The following GNG4 variants were observed in gnomAD, a reference collection of about 807,000 sequenced individuals.
GNG4 encodes G protein subunit gamma 4.
In GNG4, 4 loss-of-function variants were observed where a neutral mutation model predicts 5.8. The observed-to-expected ratio is 0.69, with a 90% CI of 0.34 to 1.57. GNG4 has a LOEUF of 1.57. Ranked by LOEUF, GNG4 falls within the 40% of genes most tolerant of loss-of-function variation. The probability of loss-of-function intolerance (pLI) is 0.06; values close to 1 mark genes in which losing one functional copy is unlikely to be tolerated. For synonymous variants in GNG4, 29 were observed against 32.9 expected (o/e 0.88, Z 0.41); for missense variants, 96 against 95.1 (o/e 1.01, Z -0.04).
chr1:235,555,719 G>C (rs946970721), intron 3 of GNG4, among the ~76,000 whole-genome samples: 1 of 149,150 alleles, frequency 6.7e-6, no homozygotes, highest in Non-Finnish European at 1.5e-5. Context: ...ATTTATAATT[G>C]ACAAATAAAA....
intron 1 of GNG4, among the ~76,000 whole-genome samples, chr1:235,643,169 A>G (rs1401038966): frequency 6.6e-6 from 1 of 152,104 alleles, no homozygotes; most frequent in Non-Finnish European, 1.5e-5. Flanking sequence ...CTGCCTGACA[A>G]TGGCCCTGGA....
intron 1 of GNG4, among the ~76,000 whole-genome samples, chr1:235,628,424 G>C (rs995552360): frequency 2.9e-5 from 4 of 140,050 alleles, no homozygotes; most frequent in Non-Finnish European, 5.9e-5. Context: ...GACGGGGGGG[G>C]GTTACAAGAC....
intron 1 of GNG4, among the ~76,000 whole-genome samples, chr1:235,622,250 G>C (rs945166596): frequency 2.0e-5 from 3 of 152,052 alleles, no homozygotes; most frequent in Admixed American, 6.6e-5. Context: ...GTTAGATTAG[G>C]TGAGGTTAGA....
rs369000336 is a variant in GNG4 at position 235,552,273 on chromosome 1, G to A, written c.100-36C>T. 1.4e-5 allele frequency: 22 copies of A among 1,607,302 alleles called. No individual in the cohort carries two copies. The Admixed American group carries it at 3.2e-4, about 23-fold the overall frequency. On this transcript the variant is annotated intron_variant, in intron 3 of 3. Coordinates refer to ENST00000391854, the MANE Select transcript of GNG4 (RefSeq NM_001098722.2). ...ACAGAGCACAGGTGCTCAGTTAAAG[G>A]CCCCTTTGCAGAGTGAGTCCAGGGA...
intron 3 of GNG4, among the ~76,000 whole-genome samples, chr1:235,563,296 A>T (rs1417556705): frequency 6.7e-6 from 1 of 150,054 alleles, no homozygotes; most frequent in African/African-American, 2.5e-5. Flanking sequence ...AGCGGTGCGC[A>T]CCTGTAGTCC....
intron 3 of GNG4, among the ~76,000 whole-genome samples, chr1:235,556,956 T>C (rs1558472225): frequency 6.6e-6 from 1 of 151,996 alleles, no homozygotes. Context: ...TTTGTGCTCC[T>C]GTAAGAATCT....
intron 1 of GNG4, among the ~76,000 whole-genome samples, chr1:235,596,209 TACACACACACAC>T (rs59527448): frequency 1.3e-4 from 17 of 133,572 alleles, no homozygotes; most frequent in Non-Finnish European, 1.8e-4. Flanking sequence ...ACAAACAAAA[TACACACACACAC>T]ACACACACAC....
chr1:235,578,079 A>T (rs1214136356), intron 3 of GNG4, among the ~76,000 whole-genome samples: 1 of 151,626 alleles, frequency 6.6e-6, no homozygotes, highest in Non-Finnish European at 1.5e-5. Context: ...CATCACATAG[A>T]TTTTTCTGCA....
intron 1 of GNG4, among the ~76,000 whole-genome samples, chr1:235,632,279 G>T (rs1377893579): frequency 1.3e-5 from 2 of 151,976 alleles, no homozygotes; most frequent in Non-Finnish European, 2.9e-5. Context: ...TAGAGACAGG[G>T]TCTCACTAGA....
At chr1:235,552,262 C>G in intron 3 of GNG4, 25 bp from the exon 4 acceptor site, 1 of 1,611,474 alleles carries the variant, frequency 6.2e-7, no homozygotes, top group Non-Finnish European at 8.5e-7. Context: ...AGCACAGGTG[C>G]TCAGTTAAAG....
intron 1 of GNG4, among the ~76,000 whole-genome samples, chr1:235,620,472 C>T (rs191134956): frequency 2.6e-5 from 4 of 152,336 alleles, no homozygotes; most frequent in Admixed American, 2.6e-4. Flanking sequence ...TGTAAGTTGC[C>T]GTTGGCAACA....
chr1:235,605,627 T>G (rs539521915), intron 1 of GNG4, among the ~76,000 whole-genome samples: 6 of 152,282 alleles, frequency 3.9e-5, no homozygotes, highest in African/African-American at 1.4e-4. Flanking sequence ...AAGGGCTTTA[T>G]ACTCAATTTG....
intron 1 of GNG4, among the ~76,000 whole-genome samples, chr1:235,597,027 G>A (rs1169219292): frequency 6.6e-6 from 1 of 152,016 alleles, no homozygotes; most frequent in East Asian, 1.9e-4. Flanking sequence ...GAGCCACTGT[G>A]CCTGGCCTTT....
chr1:235,592,094 CAT>C (rs1687977223), intron 2 of GNG4, among the ~76,000 whole-genome samples: 1 of 152,186 alleles, frequency 6.6e-6, no homozygotes, highest in South Asian at 2.1e-4. Flanking sequence ...AACATCTTAA[CAT>C]ATGTCTCTGA....
intron 1 of GNG4, among the ~76,000 whole-genome samples, chr1:235,605,445 G>A (rs1331894547): frequency 6.6e-6 from 1 of 152,128 alleles, no homozygotes; most frequent in African/African-American, 2.4e-5. Context: ...AAAGTGCTGA[G>A]ATTACAGGTG....
chr1:235,646,442 G>A (rs1657513432), intron 1 of GNG4, among the ~76,000 whole-genome samples: 1 of 152,174 alleles, frequency 6.6e-6, no homozygotes, highest in African/African-American at 2.4e-5. Context: ...TAGAAACTTG[G>A]CAGGTATCCT....
intron 1 of GNG4, among the ~76,000 whole-genome samples, chr1:235,636,706 G>T: frequency 6.6e-6 from 1 of 152,186 alleles, no homozygotes; most frequent in East Asian, 1.9e-4. Flanking sequence ...CCCCAAAGCA[G>T]GGTGGGATCC....
chr1:235,601,187 G>A (rs1688250252), intron 1 of GNG4, among the ~76,000 whole-genome samples: 2 of 152,318 alleles, frequency 1.3e-5, no homozygotes, highest in South Asian at 4.1e-4. Flanking sequence ...CCTTGTTAGG[G>A]TATGGGATAG....
At chr1:235,558,228 G>C (rs907656928) in intron 3 of GNG4, among the ~76,000 whole-genome samples, 7 of 152,120 alleles carry the variant, frequency 4.6e-5, no homozygotes, top group Non-Finnish European at 8.8e-5. Context: ...GGTGCACTCA[G>C]AATTACTGAA....
Sources: gnomAD v4.1 joint callset for allele counts (sites outside exome capture counted in the v4.1 genomes callset) on GRCh38, gnomAD v4.1.1 for gene constraint, MANE v1.5 for transcripts, NCBI Gene and HGNC (gene_info 2026-07-23, HGNC 2026-07-21) for gene names.